The following WDR72 variants were observed in gnomAD, a reference collection of about 807,000 sequenced individuals.
The protein encoded by WDR72 is WD repeat-containing protein 72.
WDR72 carries 120 observed loss-of-function variants against 124.2 expected under a neutral mutation model. The observed-to-expected ratio is 0.97, with a 90% CI of 0.83 to 1.12. WDR72 has a LOEUF of 1.12. WDR72 is among the 50% of genes most tolerant of loss of function. The probability of loss-of-function intolerance (pLI) is 0.00; values close to 1 mark genes in which losing one functional copy is unlikely to be tolerated. For synonymous variants in WDR72, 452 were observed against 441.7 expected (o/e 1.02, Z -0.29); for missense variants, 1,387 against 1,278.8 (o/e 1.08, Z -1.29).
chr15:53,592,591 A>C (rs1798057453), intron 18 of WDR72, among the ~76,000 whole-genome samples: 1 of 152,140 alleles, frequency 6.6e-6, no homozygotes, highest in Non-Finnish European at 1.5e-5. Flanking sequence ...TGATGCATGC[A>C]ATAAAGATTA....
intron 18 of WDR72, among the ~76,000 whole-genome samples, chr15:53,548,998 C>T (rs1033684248): frequency 1.3e-5 from 2 of 152,070 alleles, no homozygotes; most frequent in African/African-American, 4.8e-5. Flanking sequence ...AATAACCATG[C>T]CCCAGGTATA....
chr15:53,521,288 C>T (rs1891779146), intron 19 of WDR72, among the ~76,000 whole-genome samples: 1 of 152,106 alleles, frequency 6.6e-6, no homozygotes, highest in Non-Finnish European at 1.5e-5. Context: ...CTCACACTGG[C>T]TTGGCCATTT....
chr15:53,580,589 A>C (rs2140317005), intron 18 of WDR72, among the ~76,000 whole-genome samples: 2 of 152,206 alleles, frequency 1.3e-5, no homozygotes, highest in Middle Eastern at 6.8e-3. Flanking sequence ...GGCACCAAAC[A>C]GAGGCACAGC....
chr15:53,651,714 G>C lies in WDR72; in HGVS notation c.1962+13858C>G, dbSNP rs554778623. Reference sequence around the variant, plus strand: ...ATTGCTCAGGCTGGAGTGCAGTGGCGAGATCTCAGCTCACTGCAACGCCTG... The same window carrying C: ...ATTGCTCAGGCTGGAGTGCAGTGGCCAGATCTCAGCTCACTGCAACGCCTG... On this transcript the variant is annotated intron_variant, in intron 14 of 19. Transcript: ENST00000360509. Among the ~76,000 whole-genome samples the C allele has an allele frequency of 8.5e-5, 13 of 152,220 alleles. No individual in the cohort carries two copies. In the East Asian group the frequency reaches 2.5e-3, roughly 29 times the overall value.
chr15:53,674,698 G>C (rs1346364774), intron 13 of WDR72, among the ~76,000 whole-genome samples: 1 of 152,100 alleles, frequency 6.6e-6, no homozygotes, highest in Non-Finnish European at 1.5e-5. Context: ...ACTATATAGA[G>C]GCCCTAATAT....
chr15:53,533,276 G>T (rs1342498595), intron 18 of WDR72, among the ~76,000 whole-genome samples: 1 of 152,084 alleles, frequency 6.6e-6, no homozygotes, highest in East Asian at 1.9e-4. Context: ...AGACAAAGAC[G>T]CTAGTCTGAA....
At chr15:53,547,126 A>G (rs1385746011) in intron 18 of WDR72, among the ~76,000 whole-genome samples, 1 of 152,258 alleles carries the variant, frequency 6.6e-6, no homozygotes, top group Non-Finnish European at 1.5e-5. Flanking sequence ...CCATCAAAAT[A>G]AGGAAAACAA....
intron 14 of WDR72, among the ~76,000 whole-genome samples, chr15:53,650,922 G>A (rs1595819876): frequency 6.2e-5 from 5 of 81,278 alleles, no homozygotes; most frequent in Admixed American, 2.8e-4. Flanking sequence ...TTTTTACATA[G>A]CAAACAAAAC....
intron 13 of WDR72, among the ~76,000 whole-genome samples, chr15:53,695,889 G>C (rs529022623): frequency 4.0e-4 from 61 of 152,266 alleles, no homozygotes; most frequent in African/African-American, 1.4e-3. Context: ...AAAAACGCAA[G>C]AGGCCTCGCA....
chr15:53,699,681 T>C (rs2017105882), intron 13 of WDR72, 69 bp downstream of exon 13: 1 of 1,558,774 alleles, frequency 6.4e-7, no homozygotes, highest in Admixed American at 1.7e-5. Context: ...TCTCTGAAAC[T>C]TTCCATCTGG....
At chr15:53,607,827 C>A (rs150924213) in intron 17 of WDR72, among the ~76,000 whole-genome samples, 331 of 151,892 alleles carry the variant, frequency 2.2e-3, no homozygotes, top group African/African-American at 7.7e-3. Context: ...TCTAACAATC[C>A]AATAAAAAAA....
intron 1 of WDR72, among the ~76,000 whole-genome samples, chr15:53,755,380 C>T (rs557591299): frequency 5.9e-5 from 9 of 152,122 alleles, no homozygotes; most frequent in Non-Finnish European, 1.3e-4. Flanking sequence ...ATTAATGATG[C>T]TATTACAAAT....
At chr15:53,630,663 T>C (rs967578236) in intron 14 of WDR72, among the ~76,000 whole-genome samples, 4 of 152,088 alleles carry the variant, frequency 2.6e-5, no homozygotes, top group African/African-American at 7.2e-5. Flanking sequence ...AAACACAATT[T>C]CATAATAAAA....
At chr15:53,582,854 C>A (rs961527201) in intron 18 of WDR72, among the ~76,000 whole-genome samples, 2 of 151,958 alleles carry the variant, frequency 1.3e-5, no homozygotes, top group Middle Eastern at 3.4e-3. Context: ...ATATTAATAT[C>A]ATAACAGTGG....
intron 13 of WDR72, among the ~76,000 whole-genome samples, chr15:53,666,590 C>T (rs902355872): frequency 6.6e-6 from 1 of 152,080 alleles, no homozygotes; most frequent in Non-Finnish European, 1.5e-5. Context: ...TATAGGTTAT[C>T]TCCTACTGAA....
At position 53,706,250 on chromosome 15, in the gene WDR72, G is replaced by C. The variant is rs1043911302; in HGVS notation, c.955-176C>G. ...TAATCTGTGATCTAGGACTAAAGAG[G>C]CTTTATAAAACAAGAAGCAAAGTCA... On this transcript the variant is annotated intron_variant, in intron 9 of 19. Transcript: ENST00000360509. 2.0e-5 allele frequency among the ~76,000 whole-genome samples: 3 copies of C among 150,512 alleles called. No homozygotes were observed. In the East Asian group the frequency reaches 5.9e-4, roughly 30 times the overall value.
At chr15:53,660,986 T>C (rs2015589601) in intron 14 of WDR72, among the ~76,000 whole-genome samples, 1 of 152,158 alleles carries the variant, frequency 6.6e-6, no homozygotes, top group Non-Finnish European at 1.5e-5. Context: ...GTCTAGATCA[T>C]AAATTGGGAA....
intron 1 of WDR72, among the ~76,000 whole-genome samples, chr15:53,736,003 T>C (rs369977943): frequency 6.0e-4 from 91 of 151,994 alleles, no homozygotes; most frequent in African/African-American, 2.1e-3. Flanking sequence ...AATAATTAAC[T>C]TGAATACAAT....
At chr15:53,534,872 G>T (rs1006780564) in intron 18 of WDR72, among the ~76,000 whole-genome samples, 1 of 151,978 alleles carries the variant, frequency 6.6e-6, no homozygotes, top group African/African-American at 2.4e-5. Flanking sequence ...CTTATGAAAG[G>T]TAAAATACTT....
Sources: gnomAD v4.1 joint callset for allele counts (sites outside exome capture counted in the v4.1 genomes callset) on GRCh38, gnomAD v4.1.1 for gene constraint, MANE v1.5 for transcripts, NCBI Gene and HGNC (gene_info 2026-07-23, HGNC 2026-07-21) for gene names.